The following MAF variants were observed in gnomAD, a reference collection of about 807,000 sequenced individuals.
The protein encoded by MAF is transcription factor Maf.
Under a neutral mutation model 22.0 loss-of-function variants are expected in MAF, and 10 were observed. The observed-to-expected ratio is 0.45, with a 90% CI of 0.28 to 0.77. The LOEUF (loss-of-function observed/expected upper bound fraction) is 0.77, where lower values mean the gene tolerates loss of function less well. Among genes scored for constraint, MAF ranks in the 30% least tolerant of loss-of-function variants. The pLI, the probability that MAF is intolerant of heterozygous loss-of-function variation, is 0.12. For synonymous variants in MAF, 337 were observed against 255.8 expected (o/e 1.32, Z -3.03); for missense variants, 544 against 548.4 (o/e 0.99, Z 0.08).
the MAF span, among the ~76,000 whole-genome samples, chr16:79,378,460 G>C: frequency 1.1e-4 from 17 of 152,188 alleles, no homozygotes; most frequent in African/African-American, 4.1e-4. Context: ...AGGCATGTAA[G>C]GTGTATTCAC....
chr16:79,493,309 G>C, the MAF span, among the ~76,000 whole-genome samples: 2 of 152,108 alleles, frequency 1.3e-5, no homozygotes, highest in African/African-American at 2.4e-5. Flanking sequence ...AGCCTCCCGA[G>C]TAGCCGGGAT....
the MAF span, among the ~76,000 whole-genome samples, chr16:79,233,915 A>G: frequency 1.3e-5 from 2 of 150,924 alleles, no homozygotes; most frequent in East Asian, 2.0e-4. Flanking sequence ...TCCCTTGAAT[A>G]TGGGAGGCGG....
chr16:79,322,643 AT>A, the MAF span, among the ~76,000 whole-genome samples: 1 of 152,032 alleles, frequency 6.6e-6, no homozygotes, highest in Admixed American at 6.6e-5. Flanking sequence ...TAAATGTACA[AT>A]TGCATGGTGC....
intron 1 of MAF, chr16:79,597,343 A>G: frequency 1.9e-6 from 2 of 1,040,654 alleles, no homozygotes; most frequent in Non-Finnish European, 2.3e-6. Context: ...ACATTTGACA[A>G]TGACCAAAAG....
chr16:79,242,603 T>C, the MAF span, among the ~76,000 whole-genome samples: 11 of 151,918 alleles, frequency 7.2e-5, no homozygotes, highest in Non-Finnish European at 1.3e-4. Context: ...ACACTAATAG[T>C]GGGAGACTTT....
At chr16:79,212,636 T>A in the MAF span, 1 of 151,026 alleles carries the variant, frequency 6.6e-6, no homozygotes, top group Non-Finnish European at 1.5e-5. Flanking sequence ...CCTCGCATCC[T>A]ATGCTTAATA....
the MAF span, among the ~76,000 whole-genome samples, chr16:79,487,151 T>C: frequency 2.6e-5 from 4 of 151,530 alleles, no homozygotes; most frequent in African/African-American, 9.7e-5. Context: ...CCCATTCAGT[T>C]ATAGAACCTC....
the MAF span, among the ~76,000 whole-genome samples, chr16:79,377,599 G>A: frequency 6.6e-6 from 1 of 152,280 alleles, no homozygotes; most frequent in Middle Eastern, 3.4e-3. Context: ...TGAAGTCCTT[G>A]CCCATGCCTA....
At chr16:79,407,941 G>C in the MAF span, among the ~76,000 whole-genome samples, 1 of 151,982 alleles carries the variant, frequency 6.6e-6, no homozygotes, top group East Asian at 1.9e-4. Context: ...TTCAGGGCCA[G>C]GAATGAGTAT....
chr16:79,296,064 T>C, the MAF span, among the ~76,000 whole-genome samples: 1 of 152,208 alleles, frequency 6.6e-6, no homozygotes, highest in South Asian at 2.1e-4. Flanking sequence ...GGCTGTGGAA[T>C]GGGAAAAGAA....
the MAF span, among the ~76,000 whole-genome samples, chr16:79,362,783 T>C: frequency 1.3e-3 from 198 of 152,346 alleles, 1 homozygote; most frequent in African/African-American, 4.5e-3. Context: ...GTTTCCACAA[T>C]GGGAACACCT....
the MAF span, among the ~76,000 whole-genome samples, chr16:79,389,579 T>C: frequency 6.6e-6 from 1 of 152,190 alleles, no homozygotes; most frequent in African/African-American, 2.4e-5. Context: ...GCTCTTCTTT[T>C]AGGTTTGTTT....
At chr16:79,400,692 C>T in the MAF span, among the ~76,000 whole-genome samples, 1 of 152,242 alleles carries the variant, frequency 6.6e-6, no homozygotes, top group Non-Finnish European at 1.5e-5. Context: ...GTAAACAGGT[C>T]AGACATTATC....
At chr16:79,220,150 G>A in the MAF span, among the ~76,000 whole-genome samples, 6 of 151,782 alleles carry the variant, frequency 4.0e-5, no homozygotes, top group South Asian at 1.2e-3. Context: ...CAGTTACTCG[G>A]GAGGCTGAGG....
the MAF span, among the ~76,000 whole-genome samples, chr16:79,456,280 T>A: frequency 1.3e-5 from 2 of 152,048 alleles, no homozygotes; most frequent in African/African-American, 4.8e-5. Context: ...ATTATTCCAC[T>A]CCATTCCACT....
chr16:79,261,080 C>T, the MAF span, among the ~76,000 whole-genome samples: 1 of 152,094 alleles, frequency 6.6e-6, no homozygotes, highest in African/African-American at 2.4e-5. Context: ...GTGAAAGGAG[C>T]TGGCTGGACC....
chr16:79,451,268 G>C, the MAF span, among the ~76,000 whole-genome samples: 1 of 152,118 alleles, frequency 6.6e-6, no homozygotes, highest in African/African-American at 2.4e-5. Flanking sequence ...TATGTGGTAG[G>C]CATTTATAAG....
chr16:79,550,172 A>AC, the MAF span, among the ~76,000 whole-genome samples: 2 of 151,828 alleles, frequency 1.3e-5, no homozygotes, highest in Non-Finnish European at 2.9e-5. Flanking sequence ...GTGTTTAATA[A>AC]CCCCCCTGGC....
chr16:79,464,413 T>C, the MAF span, among the ~76,000 whole-genome samples: 308 of 152,214 alleles, frequency 2.0e-3, no homozygotes, highest in African/African-American at 7.2e-3. Flanking sequence ...CAAGAATATA[T>C]GATGGGCTGT....
Sources: gnomAD v4.1 joint callset for allele counts (sites outside exome capture counted in the v4.1 genomes callset) on GRCh38, gnomAD v4.1.1 for gene constraint, MANE v1.5 for transcripts, NCBI Gene and HGNC (gene_info 2026-07-23, HGNC 2026-07-21) for gene names.